The following CSMD2 variants were observed in gnomAD, a reference collection of about 807,000 sequenced individuals.
The protein encoded by CSMD2 is CUB and sushi domain-containing protein 2.
CSMD2 carries 130 observed loss-of-function variants against 398.5 expected under a neutral mutation model. That is an observed-to-expected ratio of 0.33 (90% CI 0.28 to 0.38). The LOEUF is 0.38. Among genes scored for constraint, CSMD2 ranks in the 10% least tolerant of loss-of-function variants. The pLI is 1.00. For synonymous variants in CSMD2, 1,828 were observed against 1,908.5 expected, an observed-to-expected ratio of 0.96 and a Z score of 1.10; for missense variants, 3,829 against 4,764.9, an observed-to-expected ratio of 0.80 and a Z score of 5.78.
At chr1:34,049,615 T>G (rs570208625) in intron 2 of CSMD2, among the ~76,000 whole-genome samples, 2 of 152,078 alleles carry the variant, frequency 1.3e-5, no homozygotes, top group African/African-American at 4.8e-5. Context: ...TCCAAGTGTA[T>G]AGAGTGAGGT....
chr1:34,056,824 G>C (rs1653883732), intron 2 of CSMD2, among the ~76,000 whole-genome samples: 1 of 152,114 alleles, frequency 6.6e-6, no homozygotes, highest in South Asian at 2.1e-4. Flanking sequence ...TGAGGGGAGG[G>C]GATATGAAAC....
At chr1:33,599,045 T>TA (rs1272421143) in intron 44 of CSMD2, 1 of 152,282 alleles carries the variant, frequency 6.6e-6, no homozygotes, top group Non-Finnish European at 1.5e-5. Context: ...TCTGACCTAA[T>TA]TGCCTCCCAA....
intron 1 of CSMD2, among the ~76,000 whole-genome samples, chr1:34,147,764 C>T (rs2148544430): frequency 6.6e-6 from 1 of 152,246 alleles, no homozygotes; most frequent in Non-Finnish European, 1.5e-5. Flanking sequence ...CACAGGGATG[C>T]CAATTATGGC....
chr1:33,937,086 C>A (rs1451903961), intron 3 of CSMD2, among the ~76,000 whole-genome samples: 5 of 152,202 alleles, frequency 3.3e-5, no homozygotes, highest in African/African-American at 1.2e-4. Context: ...GGGAGCTCAA[C>A]AGCACCTTCC....
At chr1:33,794,123 G>A (rs988278892) in intron 10 of CSMD2, among the ~76,000 whole-genome samples, 13 of 152,122 alleles carry the variant, frequency 8.5e-5, no homozygotes, top group South Asian at 6.2e-4. Context: ...AAATCAAACC[G>A]TTCAGCACCC....
chr1:33,759,324 C>CTTTCT lies in CSMD2; in HGVS notation c.1846+13244_1846+13245insAGAAA, dbSNP rs1553196465. Among the ~76,000 whole-genome samples the CTTTCT allele has an allele frequency of 5.3e-3, 664 of 124,768 alleles. 18 individuals are homozygous for CTTTCT. The highest frequency in any genetic ancestry group is 0.015 in the African/African-American group (477 of 32,758). 81.9% of individuals were successfully genotyped at this position (124,768 alleles called of 152,430 possible). The stretch of plus-strand genomic sequence containing the variant: ...GCTTGAGTTTCTTTTCTTTTTTTTT[C>CTTTCT]TTTTTTTTTTTTTTTTTTTGAGACA... On this transcript the variant is annotated intron_variant, in intron 13 of 70. Transcript: ENST00000373381.
intron 12 of CSMD2, among the ~76,000 whole-genome samples, chr1:33,787,983 C>T (rs559136298): frequency 5.5e-4 from 83 of 152,116 alleles, no homozygotes; most frequent in Non-Finnish European, 1.1e-3. Context: ...AAGCTATTGT[C>T]CTCTCTAAAG....
At chr1:33,601,510 A>T (rs1319835766) in intron 43 of CSMD2, among the ~76,000 whole-genome samples, 1 of 152,206 alleles carries the variant, frequency 6.6e-6, no homozygotes, top group Non-Finnish European at 1.5e-5. Context: ...CTTGGAAATC[A>T]TGCTGGAAAT....
intron 46 of CSMD2, among the ~76,000 whole-genome samples, chr1:33,584,950 G>C (rs1191127282): frequency 6.6e-6 from 1 of 152,118 alleles, no homozygotes; most frequent in Admixed American, 6.6e-5. Flanking sequence ...GGAAGCTGCT[G>C]GTTCAGAGAG....
At chr1:33,627,354 T>C (rs1642192457) in intron 32 of CSMD2, among the ~76,000 whole-genome samples, 1 of 152,154 alleles carries the variant, frequency 6.6e-6, no homozygotes, top group South Asian at 2.1e-4. Flanking sequence ...CAACTGGACC[T>C]GCAGCCAATT....
chr1:34,093,721 A>G (rs1320472291), intron 1 of CSMD2, among the ~76,000 whole-genome samples: 2 of 151,904 alleles, frequency 1.3e-5, no homozygotes, highest in Non-Finnish European at 2.9e-5. Flanking sequence ...AAGAATAAAA[A>G]GAAATGAGCA....
intron 1 of CSMD2, among the ~76,000 whole-genome samples, chr1:34,130,717 C>T (rs899606499): frequency 2.0e-4 from 30 of 152,110 alleles, no homozygotes; most frequent in African/African-American, 6.3e-4. Flanking sequence ...CTCAGCCCTG[C>T]GCTCAATGCC....
intron 22 of CSMD2, 120 bp downstream of exon 22, chr1:33,708,969 T>C (rs1645896711): frequency 6.0e-6 from 5 of 835,180 alleles, no homozygotes; most frequent in Non-Finnish European, 9.3e-6. Context: ...GTGAGGACAG[T>C]ATTTTGGGAC....
intron 3 of CSMD2, among the ~76,000 whole-genome samples, chr1:34,007,471 G>T (rs1344727525): frequency 6.6e-6 from 1 of 152,136 alleles, no homozygotes; most frequent in African/African-American, 2.4e-5. Flanking sequence ...GTTTAAAATT[G>T]TTAATATTCA....
chr1:33,543,059 AGGAGAGACCC>A (rs1414306944), intron 57 of CSMD2, among the ~76,000 whole-genome samples, 163 bp from the exon 58 acceptor site: 51 of 152,384 alleles, frequency 3.3e-4, no homozygotes, highest in African/African-American at 1.2e-3. Context: ...CTAGACAGGA[AGGAGAGACCC>A]CTATGAATCT....
chr1:33,819,282 A>G (rs1657827270), intron 9 of CSMD2, among the ~76,000 whole-genome samples: 1 of 152,246 alleles, frequency 6.6e-6, no homozygotes, highest in South Asian at 2.1e-4. Context: ...ACACTCTTGC[A>G]GAAGTGACAA....
chr1:33,857,013 T>C (rs1225812291), intron 5 of CSMD2, among the ~76,000 whole-genome samples: 1 of 152,156 alleles, frequency 6.6e-6, no homozygotes, highest in Non-Finnish European at 1.5e-5. Flanking sequence ...GCAAAGGGAA[T>C]AATATTTACT....
At chr1:33,802,763 C>T (rs1007625762) in intron 10 of CSMD2, among the ~76,000 whole-genome samples, 17 of 152,186 alleles carry the variant, frequency 1.1e-4, no homozygotes, top group African/African-American at 4.1e-4. Flanking sequence ...TTCTCAATCC[C>T]GTGGCCCTCT....
In CSMD2 at chr1:33,635,540, A is replaced by C. The variant is rs1316110758; in HGVS notation, c.4970-210T>G. ...GCATGTAGCCTGAAACTTGCCCTGAAGCTACCGAGGGCCCTCTTGGGCAGG... is the reference window on the plus strand; with the variant it reads ...GCATGTAGCCTGAAACTTGCCCTGACGCTACCGAGGGCCCTCTTGGGCAGG... On this transcript the variant is annotated intron_variant, in intron 30 of 70. Coordinates refer to ENST00000373381, the MANE Select transcript of CSMD2 (RefSeq NM_001281956.2). The surrounding 1 kb of genome is among the most constrained non-coding windows in gnomAD (Gnocchi z 5.0). Among the ~76,000 whole-genome samples the C allele has an allele frequency of 6.6e-6, 1 of 152,190 alleles. No individual in the cohort carries two copies. Among genetic ancestry groups the C allele is most frequent in the South Asian group, 2.1e-4 (1 of 4,828 alleles).
Sources: gnomAD v4.1 joint callset for allele counts (sites outside exome capture counted in the v4.1 genomes callset) on GRCh38, gnomAD v4.1.1 for gene constraint, Gnocchi (gnomAD v3.1) non-coding constraint, MANE v1.5 for transcripts, NCBI Gene and HGNC (gene_info 2026-07-23, HGNC 2026-07-21) for gene names.